PSD2: variants seen among roughly 807,000 people sequenced by gnomAD.
The protein encoded by PSD2 is PH and SEC7 domain-containing protein 2.
A neutral mutation model predicts 69.8 loss-of-function variants in PSD2; 38 were observed. The ratio of observed to expected loss-of-function variants is 0.54; its 90% CI spans 0.42 to 0.71. PSD2 has a LOEUF of 0.71. PSD2 is among the 30% of genes least tolerant of loss of function. PSD2 has a pLI of 0.00. For synonymous variants in PSD2, 412 were observed against 423.0 expected (o/e 0.97, Z 0.32); for missense variants, 943 against 1,014.5 (o/e 0.93, Z 0.96).
At chr5:139,770,744 A>T in the PSD2 span, among the ~76,000 whole-genome samples, 1 of 152,242 alleles carries the variant, frequency 6.6e-6, no homozygotes, top group South Asian at 2.1e-4. Flanking sequence ...ACACATCATA[A>T]GCTAAAAGCA....
At chr5:139,825,588 A>C (rs1374197720) in intron 7 of PSD2, among the ~76,000 whole-genome samples, 1 of 149,572 alleles carries the variant, frequency 6.7e-6, no homozygotes, top group Non-Finnish European at 1.5e-5. Context: ...GGACTTGCTG[A>C]TGGGGTTGGT....
At chr5:139,812,866 A>C in intron 2 of PSD2, among the ~76,000 whole-genome samples, 1 of 152,106 alleles carries the variant, frequency 6.6e-6, no homozygotes, top group Non-Finnish European at 1.5e-5. Flanking sequence ...ACATTCATTC[A>C]TTTAGACACA....
rs772471408 is a variant in PSD2, at chr5:139,809,679, G to A, written c.239G>A (p.Gly80Asp). 22 of 1,614,248 alleles carry A rather than the reference G, an allele frequency of 1.4e-5. No homozygotes were observed. The highest frequency in any genetic ancestry group is 1.9e-5 in the Non-Finnish European group (22 of 1,180,052). ...AGCCTTGGCCTCTCTCTCACCAATG[G>A]CCTAGCCCTGGGGCCAGACTTGAAC... The part of the protein sequence containing the change: ...GLSLGLSLTN[G>D]LALGPDLNIL... Residue 80 changes from glycine to aspartate, a missense_variant, in exon 2 of 15, where the codon GGC becomes GAC. Physicochemically the swap from Gly to Asp is moderately conservative, Grantham distance 94. Coordinates refer to ENST00000274710, the MANE Select transcript of PSD2 (RefSeq NM_032289.4).
the PSD2 span, among the ~76,000 whole-genome samples, chr5:139,771,339 C>T: frequency 6.6e-6 from 1 of 152,172 alleles, no homozygotes; most frequent in Non-Finnish European, 1.5e-5. Flanking sequence ...ATAGCCTGAG[C>T]GCAGGAGTGC....
chr5:139,823,115 C>T (rs1294118359), intron 7 of PSD2, among the ~76,000 whole-genome samples: 1 of 152,278 alleles, frequency 6.6e-6, no homozygotes, highest in South Asian at 2.1e-4. Flanking sequence ...ATTGAAATAC[C>T]GTGCTCGGGG....
At position 139,821,963 on chromosome 5, in the gene PSD2, C is replaced by T. The variant is rs761019258; in HGVS notation, c.1168C>T (p.Arg390Cys). The change falls in exon 6 of 15, where the codon CGC becomes TGC. Residue 390 changes from arginine (R) to cysteine (C), a missense_variant. Coordinates refer to ENST00000274710, the MANE Select transcript of PSD2 (RefSeq NM_032289.4). Reference sequence around the variant, plus strand: ...TGAGCGGGTCCTCACACACTTCTCCCGCCGGTACTGCCAGTGCAACCCTGA... The same window carrying T: ...TGAGCGGGTCCTCACACACTTCTCCTGCCGGTACTGCCAGTGCAACCCTGA... The part of the protein sequence containing the change: ...ERERVLTHFS[R>C]RYCQCNPDDS... 50 of 1,610,230 alleles carry T rather than the reference C, an allele frequency of 3.1e-5. No homozygotes were observed. Among genetic ancestry groups the T allele is most frequent in the Non-Finnish European group, 4.2e-5 (49 of 1,177,984 alleles).
At chr5:139,788,701 G>A in the PSD2 span, among the ~76,000 whole-genome samples, 4 of 152,194 alleles carry the variant, frequency 2.6e-5, no homozygotes, top group Non-Finnish European at 5.9e-5. Context: ...AGGCTCTGCC[G>A]GGGCCCTGGG....
At chr5:139,783,977 T>C in the PSD2 span, among the ~76,000 whole-genome samples, 2 of 145,684 alleles carry the variant, frequency 1.4e-5, no homozygotes, top group Non-Finnish European at 3.0e-5. Context: ...CAGGGTCTTG[T>C]TCTGTCGCCC....
upstream of PSD2, among the ~76,000 whole-genome samples, chr5:139,793,488 T>C (rs1759455791): frequency 6.6e-6 from 1 of 151,920 alleles, no homozygotes; most frequent in African/African-American, 2.4e-5. Flanking sequence ...AGAACCCGGG[T>C]CTCCTTGCCC....
the PSD2 span, among the ~76,000 whole-genome samples, chr5:139,778,296 G>A: frequency 6.6e-6 from 1 of 152,170 alleles, no homozygotes; most frequent in African/African-American, 2.4e-5. Context: ...AGACATTAAG[G>A]CCCCCCAAGA....
intron 4 of PSD2, among the ~76,000 whole-genome samples, 194 bp from the exon 5 acceptor site, chr5:139,817,287 A>C (rs992363960): frequency 4.1e-5 from 6 of 147,430 alleles, no homozygotes; most frequent in African/African-American, 1.0e-4. Flanking sequence ...CTGAGACATC[A>C]CCTCCTCCAG....
the PSD2 span, among the ~76,000 whole-genome samples, chr5:139,759,218 A>G: frequency 3.0e-4 from 46 of 152,182 alleles, no homozygotes; most frequent in African/African-American, 9.6e-4. Flanking sequence ...TGTGTTGGAA[A>G]GGCTGCACCG....
the PSD2 span, among the ~76,000 whole-genome samples, chr5:139,757,962 G>A: frequency 6.6e-6 from 1 of 152,190 alleles, no homozygotes; most frequent in Non-Finnish European, 1.5e-5. Flanking sequence ...GATAGATTAA[G>A]CCCAGGAGGT....
Position 139,837,550 on chromosome 5 carries a change from C to A in PSD2, c.1666-75C>A. The stretch of plus-strand genomic sequence containing the variant: ...AAATTAAGGGAGCCGTAGGGTTAGA[C>A]AGAGAGCAGTGAGGGGAGGGGAGAG... On this transcript the variant is annotated intron_variant, in intron 11 of 14. Coordinates refer to ENST00000274710, the MANE Select transcript of PSD2 (RefSeq NM_032289.4). The surrounding 1 kb of genome is among the most constrained non-coding windows in gnomAD (Gnocchi z 5.0). 6.9e-7 allele frequency: 1 copy of A among 1,449,380 alleles called. No homozygotes were observed. Among genetic ancestry groups the A allele is most frequent in the Non-Finnish European group, 9.4e-7 (1 of 1,063,932 alleles). The allele number at this position is 1,449,380 out of a possible 1,614,324, so 89.8% of individuals were successfully genotyped here.
chr5:139,750,283 C>T, the PSD2 span, among the ~76,000 whole-genome samples: 1 of 152,160 alleles, frequency 6.6e-6, no homozygotes, highest in South Asian at 2.1e-4. Flanking sequence ...TGAGATCATG[C>T]CACTGCACTC....
At chr5:139,828,887 G>A (rs375887597) in intron 7 of PSD2, among the ~76,000 whole-genome samples, 2 of 152,120 alleles carry the variant, frequency 1.3e-5, no homozygotes, top group African/African-American at 2.4e-5. Flanking sequence ...TGGCCCTAAC[G>A]TGCCAGGGTC....
At chr5:139,799,940 C>T (rs1056705715) in intron 1 of PSD2, among the ~76,000 whole-genome samples, 6 of 152,114 alleles carry the variant, frequency 3.9e-5, no homozygotes, top group Non-Finnish European at 8.8e-5. Context: ...TTTTCCAGGC[C>T]AGAGGAATGG....
the PSD2 span, among the ~76,000 whole-genome samples, chr5:139,750,707 A>G: frequency 6.6e-6 from 1 of 152,068 alleles, no homozygotes; most frequent in Admixed American, 6.5e-5. Flanking sequence ...CACTGATGGG[A>G]TGATGGTTCA....
chr5:139,829,512 C>T (rs534706422), intron 7 of PSD2, among the ~76,000 whole-genome samples: 3 of 152,274 alleles, frequency 2.0e-5, no homozygotes, highest in Admixed American at 2.0e-4. Flanking sequence ...TCCACCTGGC[C>T]CCTGGCTAAT....
Sources: allele counts gnomAD v4.1 joint callset (sites outside exome capture counted in the v4.1 genomes callset), GRCh38; gene constraint gnomAD v4.1.1; non-coding constraint Gnocchi (gnomAD v3.1); transcripts MANE v1.5; gene names NCBI Gene and HGNC (gene_info 2026-07-23, HGNC 2026-07-21).